SPOPL: variants seen among roughly 807,000 people sequenced by gnomAD.
SPOPL encodes speckle-type POZ protein-like.
SPOPL carries 23 observed loss-of-function variants against 53.8 expected under a neutral mutation model. That is an observed-to-expected ratio of 0.43 (90% CI 0.31 to 0.61). SPOPL has a LOEUF of 0.61. Among genes scored for constraint, SPOPL ranks in the 20% least tolerant of loss-of-function variants. The pLI is 0.12. For missense variants in SPOPL, 442 were observed against 466.9 expected (o/e 0.95, Z 0.49); for synonymous variants, 164 against 149.7 (o/e 1.10, Z -0.70).
intron 1 of SPOPL, among the ~76,000 whole-genome samples, chr2:138,505,594 TAAAAAAAAAA>T (rs1169614974): frequency 1.9e-4 from 14 of 75,090 alleles, no homozygotes; most frequent in South Asian, 9.4e-4. Context: ...GTGTCTCTTC[TAAAAAAAAAA>T]AAAAAAAAAA....
chr2:138,557,492 C>T (rs1685451910), intron 5 of SPOPL, among the ~76,000 whole-genome samples: 1 of 152,176 alleles, frequency 6.6e-6, no homozygotes, highest in East Asian at 1.9e-4. Flanking sequence ...AAACATTTTA[C>T]ATTGGACCAT....
At chr2:138,514,523 T>A (rs1684397802) in intron 1 of SPOPL, among the ~76,000 whole-genome samples, 1 of 152,212 alleles carries the variant, frequency 6.6e-6, no homozygotes, top group Non-Finnish European at 1.5e-5. Context: ...ATGTTGCCTG[T>A]AGCAATAGTT....
At chr2:138,524,223 A>AGCT (rs1207306382) in intron 1 of SPOPL, among the ~76,000 whole-genome samples, 1 of 152,198 alleles carries the variant, frequency 6.6e-6, no homozygotes. Context: ...CCACAGCCTG[A>AGCT]GCTGTACCTT....
chr2:138,505,418 T>C (rs751430266), intron 1 of SPOPL, among the ~76,000 whole-genome samples: 5 of 151,930 alleles, frequency 3.3e-5, no homozygotes, highest in Non-Finnish European at 7.4e-5. Flanking sequence ...AAGAGATTAC[T>C]TGTATTCATG....
chr2:138,519,666 C>T (rs1415514210), intron 1 of SPOPL, among the ~76,000 whole-genome samples: 2 of 152,230 alleles, frequency 1.3e-5, no homozygotes, highest in African/African-American at 4.8e-5. Context: ...GTATGGCATG[C>T]ACCTGTAGTG....
intron 10 of SPOPL, 70 bp from the exon 11 acceptor site, chr2:138,568,866 G>A: frequency 6.6e-7 from 1 of 1,519,380 alleles, no homozygotes; most frequent in Non-Finnish European, 9.0e-7. Context: ...AAGTTTTTAA[G>A]AAATTAACAG....
intron 5 of SPOPL, among the ~76,000 whole-genome samples, chr2:138,556,436 G>A (rs115977933): frequency 0.011 from 1,633 of 152,250 alleles, 33 homozygotes; most frequent in African/African-American, 0.037. Flanking sequence ...TCTGCTGTAT[G>A]TATCATGCAA....
chr2:138,546,574 T>C (rs1000930097), intron 1 of SPOPL, among the ~76,000 whole-genome samples: 2 of 152,250 alleles, frequency 1.3e-5, no homozygotes, highest in Admixed American at 6.5e-5. Context: ...TGGACAGTTA[T>C]TATTTTCTGT....
chr2:138,529,312 A>G (rs977314233), intron 1 of SPOPL, among the ~76,000 whole-genome samples: 1 of 152,218 alleles, frequency 6.6e-6, no homozygotes, highest in Middle Eastern at 3.2e-3. Flanking sequence ...TAGGAAGCCA[A>G]TAAGTAATAC....
At chr2:138,547,174 C>T (rs1685214180) in intron 1 of SPOPL, among the ~76,000 whole-genome samples, 1 of 152,100 alleles carries the variant, frequency 6.6e-6, no homozygotes, top group South Asian at 2.1e-4. Context: ...CCATGTTTGC[C>T]AGACTGGTCT....
intron 1 of SPOPL, among the ~76,000 whole-genome samples, chr2:138,520,931 T>G (rs1201280980): frequency 4.6e-5 from 7 of 152,324 alleles, no homozygotes; most frequent in Non-Finnish European, 5.9e-5. Flanking sequence ...TACACTGGGC[T>G]TCGTCTTTTC....
At chr2:138,556,483 T>G (rs1052854413) in intron 5 of SPOPL, among the ~76,000 whole-genome samples, 1 of 152,194 alleles carries the variant, frequency 6.6e-6, no homozygotes, top group African/African-American at 2.4e-5. Flanking sequence ...GTCTAGAAAT[T>G]TCAAGAGCAG....
chr2:138,551,062 A>T lies in SPOPL; in HGVS notation c.352+8A>T. ...AAGAAACAAAAGCAATGGGTAAGTG[A>T]TTTGCAAACTAAGTGAAGACATTTC... On this transcript the variant is annotated splice_region_variant and intron_variant, in intron 4 of 10. Coordinates refer to ENST00000280098, the MANE Select transcript of SPOPL (RefSeq NM_001001664.3). 2 of 1,612,188 alleles carry T rather than the reference A, an allele frequency of 1.2e-6. No individual in the cohort carries two copies. Among genetic ancestry groups the T allele is most frequent in the Non-Finnish European group, 1.7e-6 (2 of 1,179,062 alleles).
At chr2:138,550,768 T>A in intron 3 of SPOPL, 135 bp from the exon 4 acceptor site, 1 of 1,393,480 alleles carries the variant, frequency 7.2e-7, no homozygotes, top group East Asian at 2.3e-5. Context: ...ACTGTGAGGA[T>A]GTTGACAGGA....
At chr2:138,502,376 C>T (rs1459281455) in intron 1 of SPOPL, among the ~76,000 whole-genome samples, 1 of 152,236 alleles carries the variant, frequency 6.6e-6, no homozygotes, top group Non-Finnish European at 1.5e-5. Context: ...ATTTCCCAGC[C>T]TCCACCTTCC....
intron 1 of SPOPL, among the ~76,000 whole-genome samples, chr2:138,533,203 C>G (rs1684849754): frequency 6.6e-6 from 1 of 152,170 alleles, no homozygotes; most frequent in African/African-American, 2.4e-5. Flanking sequence ...TATAAGATCA[C>G]AGAATTCATG....
intron 1 of SPOPL, among the ~76,000 whole-genome samples, chr2:138,541,480 A>G (rs933817714): frequency 1.4e-5 from 2 of 146,492 alleles, no homozygotes; most frequent in African/African-American, 5.5e-5. Context: ...GGGAGGGTGT[A>G]TGTGTTGAGG....
At chr2:138,531,502 T>G (rs916418089) in intron 1 of SPOPL, among the ~76,000 whole-genome samples, 1 of 152,190 alleles carries the variant, frequency 6.6e-6, no homozygotes, top group African/African-American at 2.4e-5. Flanking sequence ...CTTACTTACC[T>G]CTTCAAATAT....
chr2:138,528,911 C>T (rs927206309), intron 1 of SPOPL, among the ~76,000 whole-genome samples: 3 of 152,098 alleles, frequency 2.0e-5, no homozygotes, highest in Non-Finnish European at 4.4e-5. Flanking sequence ...TTATCTTCTT[C>T]TTAGAGTTAA....
Sources: allele counts gnomAD v4.1 joint callset (sites outside exome capture counted in the v4.1 genomes callset), GRCh38; gene constraint gnomAD v4.1.1; transcripts MANE v1.5; gene names NCBI Gene and HGNC (gene_info 2026-07-23, HGNC 2026-07-21).